CELF2: variants seen among roughly 807,000 people sequenced by gnomAD.
The protein encoded by CELF2 is CUGBP Elav-like family member 2, also known as CUG triplet repeat RNA-binding protein 2.
CELF2 carries 8 observed loss-of-function variants against 62.6 expected under a neutral mutation model. The observed-to-expected ratio is 0.13, with a 90% CI of 0.07 to 0.23. CELF2 has a LOEUF of 0.23. Among genes scored for constraint, CELF2 ranks in the 10% least tolerant of loss-of-function variants. The pLI is 1.00. For missense variants in CELF2, 333 were observed against 671.0 expected (o/e 0.50, Z 5.56); for synonymous variants, 258 against 250.0 (o/e 1.03, Z -0.30).
At chr10:10,685,840 G>T in the CELF2 span, among the ~76,000 whole-genome samples, 2 of 152,164 alleles carry the variant, frequency 1.3e-5, no homozygotes, top group Non-Finnish European at 2.9e-5. Flanking sequence ...GGGGGAAGCT[G>T]ACATTTAGAA....
the CELF2 span, among the ~76,000 whole-genome samples, chr10:10,740,715 G>A: frequency 6.6e-6 from 1 of 152,178 alleles, no homozygotes; most frequent in Non-Finnish European, 1.5e-5. Context: ...ATATATGTAT[G>A]TATATATCAT....
Position 11,191,551 on chromosome 10 carries a change from C to A in CELF2, c.271+25869C>A, listed in dbSNP as rs981934101. Among the ~76,000 whole-genome samples, 9 of 152,076 alleles carry A rather than the reference C, an allele frequency of 5.9e-5. No individual in the cohort carries two copies. The highest frequency in any genetic ancestry group is 1.9e-4 in the African/African-American group (8 of 41,396). ...TCAAGGGGGCATACAACAGGGACAC[C>A]ACCTTGAAATCTGAAGTCACTGAGT... is the stretch of plus-strand genomic sequence containing the variant. On this transcript the variant is annotated intron_variant, in intron 2 of 12. Transcript: ENST00000633077. The surrounding 1 kb of genome is among the most constrained non-coding windows in gnomAD (Gnocchi z 4.1).
intron 2 of CELF2, among the ~76,000 whole-genome samples, chr10:11,181,844 A>G (rs1184073574): frequency 6.6e-6 from 1 of 152,214 alleles, no homozygotes; most frequent in African/African-American, 2.4e-5. Flanking sequence ...AGCATTCAAG[A>G]TAAAGGGACA....
At chr10:10,574,147 A>G in the CELF2 span, among the ~76,000 whole-genome samples, 1 of 152,164 alleles carries the variant, frequency 6.6e-6, no homozygotes, top group Non-Finnish European at 1.5e-5. Context: ...TAAATAAAGG[A>G]GGGTTATATG....
chr10:11,103,108 G>T (rs2052241796), intron 1 of CELF2, among the ~76,000 whole-genome samples: 1 of 152,100 alleles, frequency 6.6e-6, no homozygotes, highest in Non-Finnish European at 1.5e-5. Flanking sequence ...TCACAATGCG[G>T]CTGCAATCTC....
intron 2 of CELF2, among the ~76,000 whole-genome samples, chr10:10,996,461 C>A (rs2053963209): frequency 6.6e-6 from 1 of 152,190 alleles, no homozygotes; most frequent in Admixed American, 6.5e-5. Context: ...CGGGCATGTG[C>A]AGGCCCATGC....
the CELF2 span, among the ~76,000 whole-genome samples, chr10:10,744,572 G>A: frequency 6.6e-6 from 1 of 152,308 alleles, no homozygotes; most frequent in East Asian, 1.9e-4. Context: ...CCAGCCCAGT[G>A]TGTCCTGCCC....
At chr10:10,593,346 A>G in the CELF2 span, among the ~76,000 whole-genome samples, 1 of 152,236 alleles carries the variant, frequency 6.6e-6, no homozygotes, top group Non-Finnish European at 1.5e-5. Flanking sequence ...CAAGGTCTCC[A>G]GTAGAATGAC....
intron 4 of CELF2, among the ~76,000 whole-genome samples, chr10:11,253,924 T>G (rs2077906625): frequency 6.6e-6 from 1 of 152,236 alleles, no homozygotes. Context: ...TGTTTTGTTT[T>G]GTTTTGGTTT....
At chr10:11,208,867 A>C (rs1427722091) in intron 2 of CELF2, among the ~76,000 whole-genome samples, 1 of 152,168 alleles carries the variant, frequency 6.6e-6, no homozygotes, top group Non-Finnish European at 1.5e-5. Context: ...ATGCTGGAGT[A>C]CTGCTTCCCG....
chr10:10,547,673 T>TAGAGAGAGAG, the CELF2 span, among the ~76,000 whole-genome samples: 1,462 of 135,220 alleles, frequency 0.011, 35 homozygotes, highest in African/African-American at 0.036. Flanking sequence ...ACCAAAAAGA[T>TAGAGAGAGAG]AGAGAGAGAG....
intron 1 of CELF2, chr10:11,164,989 T>G: frequency 2.4e-6 from 2 of 830,724 alleles, no homozygotes; most frequent in Non-Finnish European, 2.9e-6. Context: ...CCATGTGACT[T>G]TATTATTACC....
At chr10:11,022,286 T>C (rs1410890963) in intron 1 of CELF2, among the ~76,000 whole-genome samples, 3 of 152,228 alleles carry the variant, frequency 2.0e-5, no homozygotes, top group Admixed American at 6.5e-5. Flanking sequence ...TCATCCCACA[T>C]TGGCTTTTTA....
the CELF2 span, among the ~76,000 whole-genome samples, chr10:10,610,696 G>T: frequency 6.6e-6 from 1 of 152,102 alleles, no homozygotes; most frequent in African/African-American, 2.4e-5. Flanking sequence ...AAATGCTTTT[G>T]TCTCTGTGAT....
intron 1 of CELF2, among the ~76,000 whole-genome samples, chr10:10,913,524 G>A (rs956119565): frequency 2.1e-4 from 29 of 140,702 alleles, no homozygotes; most frequent in African/African-American, 8.1e-4. Context: ...CCAAGTGGCT[G>A]GGATTACAGG....
chr10:11,261,053 G>A (rs572416893), intron 5 of CELF2, among the ~76,000 whole-genome samples: 137 of 152,312 alleles, frequency 9.0e-4, no homozygotes, highest in African/African-American at 3.2e-3. Context: ...TGGCTGCTCT[G>A]CACAGTACCT....
Position 11,220,232 on chromosome 10 carries a change from A to G in CELF2, c.354+2725A>G, listed in dbSNP as rs1398722557. ...ATTTAAAACAAGATCAAATAATGCT[A>G]GGGTTTTTTCCGATGTAATTTTCTT... is the stretch of plus-strand genomic sequence containing the variant. On this transcript the variant is annotated intron_variant, in intron 3 of 12. Coordinates refer to ENST00000633077, the MANE Select transcript of CELF2 (RefSeq NM_001326342.2). This position sits in a 1 kb window ranked among gnomAD's most constrained non-coding sequence, Gnocchi z 4.4. Among the ~76,000 whole-genome samples, 2 of 152,210 alleles carry G rather than the reference A, an allele frequency of 1.3e-5. No individual in the cohort carries two copies. Among genetic ancestry groups the G allele is most frequent in the Admixed American group, 1.3e-4 (2 of 15,290 alleles).
chr10:11,204,027 G>T (rs1215354082), intron 2 of CELF2, among the ~76,000 whole-genome samples: 2 of 152,192 alleles, frequency 1.3e-5, no homozygotes, highest in East Asian at 3.8e-4. Flanking sequence ...GGCGCAGAGG[G>T]TTTGCCCACA....
intron 1 of CELF2, among the ~76,000 whole-genome samples, chr10:10,811,300 C>T (rs956576654): frequency 6.6e-6 from 1 of 152,166 alleles, no homozygotes; most frequent in Non-Finnish European, 1.5e-5. Context: ...CCAGCATCAA[C>T]AGGGCTCAGC....
Sources: allele counts gnomAD v4.1 joint callset (sites outside exome capture counted in the v4.1 genomes callset), GRCh38; gene constraint gnomAD v4.1.1; non-coding constraint Gnocchi (gnomAD v3.1); transcripts MANE v1.5; gene names NCBI Gene and HGNC (gene_info 2026-07-23, HGNC 2026-07-21).